The following DNAH17 variants were observed in gnomAD, a reference collection of about 807,000 sequenced individuals.
DNAH17 encodes dynein axonemal heavy chain 17.
Under a neutral mutation model 485.6 loss-of-function variants are expected in DNAH17, and 376 were observed. The ratio of observed to expected loss-of-function variants is 0.77; its 90% CI spans 0.71 to 0.84. The LOEUF (loss-of-function observed/expected upper bound fraction) is 0.84. Ranked by LOEUF, DNAH17 falls within the 40% of genes least tolerant of loss-of-function variation. The pLI is 0.00. For missense variants in DNAH17, 6,370 were observed against 5,839.3 expected (o/e 1.09, Z -2.96); for synonymous variants, 3,031 against 2,405.9 (o/e 1.26, Z -7.60).
chr17:78,569,831 T>C (rs1198025576), intron 7 of DNAH17, among the ~76,000 whole-genome samples: 1 of 152,138 alleles, frequency 6.6e-6, no homozygotes, highest in Non-Finnish European at 1.5e-5. Flanking sequence ...GGTTTTATTA[T>C]ATAGAGGTGG....
chr17:78,567,002 G>A lies in DNAH17; in HGVS notation c.1449C>T (p.Asp483=). ...CCAACCCTGCCCGAGGACCTACCGA[G>A]TCTCCAGGGTCCAAGGGATCATATT... ...DCKYDPLDPG[D]SNFDRDYADF... is the part of the protein sequence containing the mutation. The change falls in exon 10 of 81, where the codon GAC becomes GAT. Residue 483 remains aspartate, a synonymous_variant. Transcript: ENST00000389840. 1 of 1,609,932 alleles carries A rather than the reference G, an allele frequency of 6.2e-7. No individual in the cohort carries two copies. The highest frequency in any genetic ancestry group is 1.1e-5 in the South Asian group (1 of 90,888).
chr17:78,464,480 C>T (rs566466462), intron 56 of DNAH17, among the ~76,000 whole-genome samples: 17 of 152,328 alleles, frequency 1.1e-4, no homozygotes, highest in Admixed American at 4.6e-4. Context: ...AGGCTGATCT[C>T]GAACTCCTGA....
chr17:78,574,471 C>T (rs1007899933), intron 2 of DNAH17, among the ~76,000 whole-genome samples: 12 of 151,806 alleles, frequency 7.9e-5, no homozygotes, highest in Non-Finnish European at 1.8e-4. Context: ...CCACTGCACT[C>T]CAGCCTGGGA....
intron 56 of DNAH17, among the ~76,000 whole-genome samples, chr17:78,463,334 A>ACATGCACACACATG (rs2146541655): frequency 6.6e-6 from 1 of 152,376 alleles, no homozygotes; most frequent in South Asian, 2.1e-4. Context: ...ACAGACGCAT[A>ACATGCACACACATG]CATGCACACA....
At chr17:78,553,490 C>G (rs1454394398) in intron 14 of DNAH17, among the ~76,000 whole-genome samples, 1 of 151,670 alleles carries the variant, frequency 6.6e-6, no homozygotes, top group Admixed American at 6.6e-5. Context: ...TTAGTAGACG[C>G]AGGGTTTCAC....
chr17:78,480,636 G>A (rs1420692435), intron 49 of DNAH17, 48 bp downstream of exon 49: 3 of 1,516,714 alleles, frequency 2.0e-6, no homozygotes, highest in South Asian at 2.3e-5. Context: ...CCAGAAGCAA[G>A]CCTCAGACTC....
chr17:78,485,153 T>G (rs1383788072), intron 47 of DNAH17, 120 bp from the exon 48 acceptor site: 1 of 1,321,560 alleles, frequency 7.6e-7, no homozygotes, highest in Non-Finnish European at 1.0e-6. Flanking sequence ...GGGATCCAAG[T>G]TTACCAAAGG....
intron 22 of DNAH17, among the ~76,000 whole-genome samples, chr17:78,527,936 G>A (rs1028854700): frequency 3.9e-5 from 6 of 152,070 alleles, no homozygotes; most frequent in South Asian, 4.2e-4. Context: ...CTGCCACCAC[G>A]CCTGGCTAAT....
chr17:78,507,503 G>C lies in DNAH17; in HGVS notation c.4539C>G (p.Leu1513=), dbSNP rs12943086. ...CGTCAAAGCGCTGGGAGTCCCCCGG[G>C]AGCTGGGTGCGGATGTCTTCGGAGC... ...FIGSEDIRTQ[L]PGDSQRFDDI... is the part of the protein sequence containing the mutation. The change falls in exon 28 of 81, where the codon CTC becomes CTG. Residue 1513 remains leucine (L), a synonymous_variant. Coordinates refer to ENST00000389840, the MANE Select transcript of DNAH17 (RefSeq NM_173628.4). 0.027 allele frequency: 44,268 copies of C among 1,613,218 alleles called. 709 individuals carry two copies. Among genetic ancestry groups the C allele is most frequent in the Non-Finnish European group, 0.034 (39,636 of 1,179,164 alleles).
Position 78,535,616 on chromosome 17 carries a change from G to A in DNAH17, c.2859+1683C>T, listed in dbSNP as rs80161846. Among the ~76,000 whole-genome samples, 412 of 152,288 alleles carry A rather than the reference G, an allele frequency of 2.7e-3. 3 individuals are homozygous for A. The highest frequency in any genetic ancestry group is 7.7e-3 in the South Asian group (37 of 4,826). Reference sequence around the variant, plus strand: ...AAATATATGTTATGACAAATCATACGTGTCCATTATTTTACAATTCAAACA... The same window carrying A: ...AAATATATGTTATGACAAATCATACATGTCCATTATTTTACAATTCAAACA... On this transcript the variant is annotated intron_variant, in intron 19 of 80. Coordinates refer to ENST00000389840, the MANE Select transcript of DNAH17 (RefSeq NM_173628.4).
chr17:78,454,418 C>T lies in DNAH17; in HGVS notation c.10406+52G>A, dbSNP rs370790241. On this transcript the variant is annotated intron_variant, in intron 64 of 80. Transcript: ENST00000389840. ...TTGAACCAATATGGAATGCCTAAGG[C>T]GTGCTTCCAAGCAGAGCCGGGCTTC... 4.8e-5 allele frequency: 70 copies of T among 1,452,674 alleles called. No individual in the cohort carries two copies. In the Admixed American group the frequency reaches 5.6e-4, roughly 12 times the overall value. 90.0% of individuals were successfully genotyped at this position (1,452,674 alleles called of 1,614,324 possible). A position where few individuals can be genotyped will look rare whatever the true frequency, so the allele number is the denominator to read the frequency against.
chr17:78,492,478 C>T (rs1320582191), intron 42 of DNAH17, among the ~76,000 whole-genome samples, 155 bp downstream of exon 42: 1 of 152,218 alleles, frequency 6.6e-6, no homozygotes, highest in Non-Finnish European at 1.5e-5. Context: ...TCCCCATAAA[C>T]TTTGTTACCA....
Position 78,572,813 on chromosome 17 carries a change from G to A in DNAH17, c.427C>T (p.His143Tyr). The change falls in exon 3 of 81, where the codon CAC (histidine) becomes TAC (tyrosine). Residue 143 changes from histidine (H) to tyrosine (Y), a missense_variant. Transcript: ENST00000389840. ...VVSEDIVKQV[H>Y]RLKNEMFVMS... is the part of the protein sequence containing the mutation. ...ACAAACATTTCATTCTTCAGCCTGTGGACCTGCTTCACGATGTCTTCCGAG... is the reference window on the plus strand; with the variant it reads ...ACAAACATTTCATTCTTCAGCCTGTAGACCTGCTTCACGATGTCTTCCGAG... 2 of 1,613,942 alleles carry A rather than the reference G, an allele frequency of 1.2e-6. No individual in the cohort carries two copies. Among genetic ancestry groups the A allele is most frequent in the Non-Finnish European group, 8.5e-7 (1 of 1,179,880 alleles).
chr17:78,502,864 C>T (rs371815522), intron 32 of DNAH17, 22 bp downstream of exon 32: 55 of 1,609,084 alleles, frequency 3.4e-5, no homozygotes, highest in African/African-American at 2.5e-4. Flanking sequence ...GAGGCGCCGC[C>T]GAGCCCCCAC....
intron 44 of DNAH17, among the ~76,000 whole-genome samples, chr17:78,487,603 C>T (rs2089669119): frequency 6.6e-6 from 1 of 152,188 alleles, no homozygotes; most frequent in Non-Finnish European, 1.5e-5. Context: ...CGGCTCACTG[C>T]AACTTCTGCC....
At chr17:78,564,157 G>T (rs1457682305) in intron 11 of DNAH17, among the ~76,000 whole-genome samples, 9 of 152,082 alleles carry the variant, frequency 5.9e-5, no homozygotes, top group Non-Finnish European at 1.2e-4. Flanking sequence ...GCTCCCGAGG[G>T]GTCACAAAGT....
chr17:78,564,931 C>A (rs1568263516), intron 11 of DNAH17, among the ~76,000 whole-genome samples: 2 of 152,092 alleles, frequency 1.3e-5, no homozygotes, highest in Non-Finnish European at 2.9e-5. Context: ...GGGGAAGAGC[C>A]TTCTGAGAAA....
At chr17:78,473,007 A>C (rs1270607760) in intron 54 of DNAH17, among the ~76,000 whole-genome samples, 1 of 151,634 alleles carries the variant, frequency 6.6e-6, no homozygotes, top group Non-Finnish European at 1.5e-5. Context: ...TCCACCCTCC[A>C]CCCCTTTCCT....
At chr17:78,431,250 G>C (rs1277371420) in intron 75 of DNAH17, among the ~76,000 whole-genome samples, 2 of 152,196 alleles carry the variant, frequency 1.3e-5, no homozygotes, top group Non-Finnish European at 1.5e-5. Context: ...AACCTTCTCT[G>C]TCTGGTCATC....
Sources: allele counts gnomAD v4.1 joint callset (sites outside exome capture counted in the v4.1 genomes callset), GRCh38; gene constraint gnomAD v4.1.1; transcripts MANE v1.5; gene names NCBI Gene and HGNC (gene_info 2026-07-23, HGNC 2026-07-21).